Variants in GPC5 observed in about 807,000 individuals in gnomAD.
GPC5 encodes the protein glypican 5.
A neutral mutation model predicts 53.9 loss-of-function variants in GPC5; 47 were observed. That is an observed-to-expected ratio of 0.87 (90% CI 0.69 to 1.11). The LOEUF (loss-of-function observed/expected upper bound fraction) is 1.11, where lower values mean the gene tolerates loss of function less well. GPC5 is among the 50% of genes most tolerant of loss of function. The pLI, the probability that GPC5 is intolerant of heterozygous loss-of-function variation, is 0.00. For missense variants in GPC5, 748 were observed against 713.1 expected (o/e 1.05, Z -0.56); for synonymous variants, 286 against 263.3 (o/e 1.09, Z -0.84).
intron 7 of GPC5, among the ~76,000 whole-genome samples, chr13:92,158,548 CA>C (rs2041962388): frequency 6.6e-6 from 1 of 151,930 alleles, no homozygotes; most frequent in African/African-American, 2.4e-5. Flanking sequence ...CACCATCCTC[CA>C]AGACAGAAAC....
intron 7 of GPC5, among the ~76,000 whole-genome samples, chr13:92,799,230 T>C (rs1159841762): frequency 6.6e-6 from 1 of 151,770 alleles, no homozygotes; most frequent in Non-Finnish European, 1.5e-5. Flanking sequence ...ATGCCTGTTA[T>C]CCAGAAAACA....
At chr13:92,429,521 A>G (rs1876993129) in intron 7 of GPC5, among the ~76,000 whole-genome samples, 1 of 151,828 alleles carries the variant, frequency 6.6e-6, no homozygotes, top group Non-Finnish European at 1.5e-5. Flanking sequence ...ATCACAAAAG[A>G]TTTTTTATTT....
intron 7 of GPC5, among the ~76,000 whole-genome samples, chr13:92,371,330 C>T (rs2043648456): frequency 6.6e-6 from 1 of 152,080 alleles, no homozygotes; most frequent in African/African-American, 2.4e-5. Flanking sequence ...GTGTATGATA[C>T]ATTACATGGC....
chr13:91,861,009 C>A (rs185567483), intron 5 of GPC5, among the ~76,000 whole-genome samples: 1 of 152,044 alleles, frequency 6.6e-6, no homozygotes. Flanking sequence ...TGATTTACAA[C>A]TATTTGGGGG....
intron 1 of GPC5, among the ~76,000 whole-genome samples, chr13:91,417,061 A>G (rs901476405): frequency 6.6e-6 from 1 of 152,134 alleles, no homozygotes; most frequent in Non-Finnish European, 1.5e-5. Flanking sequence ...AGTGGGGTGG[A>G]TGGAGCAGAG....
At position 92,529,121 on chromosome 13, in the gene GPC5, A is replaced by G. The variant is rs552794884; in HGVS notation, c.1562-337161A>G. Among the ~76,000 whole-genome samples the G allele has an allele frequency of 1.8e-4, 27 of 152,300 alleles. No individual in the cohort carries two copies. The South Asian group carries it at 5.4e-3, about 30-fold the overall frequency. On this transcript the variant is annotated intron_variant, in intron 7 of 7. Coordinates refer to ENST00000377067, the MANE Select transcript of GPC5 (RefSeq NM_004466.6). ...TTTTAGAATACTTCATAAAAAAACA[A>G]GAGTTCAAAATATTGTGTTGTTAAT...
chr13:91,774,400 G>A (rs1369971369), intron 5 of GPC5, among the ~76,000 whole-genome samples: 1 of 152,114 alleles, frequency 6.6e-6, no homozygotes, highest in African/African-American at 2.4e-5. Context: ...TGCCTACTGT[G>A]TGTGAGGCTC....
chr13:92,816,808 A>G (rs1028594427), intron 7 of GPC5, among the ~76,000 whole-genome samples: 1 of 151,972 alleles, frequency 6.6e-6, no homozygotes, highest in African/African-American at 2.4e-5. Flanking sequence ...AATTACACAT[A>G]GTCTGCCCTG....
chr13:92,710,013 T>G (rs1888080796), intron 7 of GPC5, among the ~76,000 whole-genome samples: 1 of 152,170 alleles, frequency 6.6e-6, no homozygotes, highest in Admixed American at 6.6e-5. Context: ...TAGGTCTTTC[T>G]GGTAAATTCT....
chr13:92,227,744 T>A (rs939244318), intron 7 of GPC5, among the ~76,000 whole-genome samples: 10 of 152,130 alleles, frequency 6.6e-5, no homozygotes, highest in African/African-American at 2.4e-4. Flanking sequence ...TATAACTTAA[T>A]TTTTTTCTTA....
At chr13:92,787,516 T>A (rs1473298170) in intron 7 of GPC5, among the ~76,000 whole-genome samples, 1 of 151,242 alleles carries the variant, frequency 6.6e-6, no homozygotes, top group Non-Finnish European at 1.5e-5. Context: ...GTAATAAACT[T>A]ATAATTAAAG....
chr13:92,329,799 G>A (rs1330201449), intron 7 of GPC5, among the ~76,000 whole-genome samples: 1 of 152,106 alleles, frequency 6.6e-6, no homozygotes, highest in Admixed American at 6.6e-5. Context: ...AACATCACAG[G>A]ACAGCCACGG....
chr13:92,002,068 A>G (rs915713277), intron 6 of GPC5, among the ~76,000 whole-genome samples: 3 of 151,854 alleles, frequency 2.0e-5, no homozygotes, highest in African/African-American at 7.3e-5. Flanking sequence ...AGAGGCGGTA[A>G]TTTTTCTTTT....
intron 7 of GPC5, among the ~76,000 whole-genome samples, chr13:92,277,658 G>C (rs528734429): frequency 6.6e-6 from 1 of 151,806 alleles, no homozygotes; most frequent in East Asian, 1.9e-4. Context: ...GTTGCTGTTG[G>C]CCCCTGTAAA....
At chr13:92,641,282 T>G (rs1432204039) in intron 7 of GPC5, among the ~76,000 whole-genome samples, 2 of 152,122 alleles carry the variant, frequency 1.3e-5, no homozygotes, top group Non-Finnish European at 2.9e-5. Flanking sequence ...ACCACATCAC[T>G]GCTGCATTAT....
intron 2 of GPC5, among the ~76,000 whole-genome samples, chr13:91,542,857 T>TA (rs2030033973): frequency 7.1e-6 from 1 of 141,302 alleles, no homozygotes; most frequent in African/African-American, 2.7e-5. Flanking sequence ...CCAATTTTTT[T>TA]TTTTTTTTTT....
chr13:91,987,627 A>C (rs984028845), intron 6 of GPC5, among the ~76,000 whole-genome samples: 1 of 151,288 alleles, frequency 6.6e-6, no homozygotes, highest in Non-Finnish European at 1.5e-5. Context: ...ACTTCTCAGT[A>C]ATTGCTAAAT....
chr13:92,563,455 A>G (rs528204334), intron 7 of GPC5, among the ~76,000 whole-genome samples: 8 of 152,078 alleles, frequency 5.3e-5, no homozygotes, highest in African/African-American at 1.9e-4. Flanking sequence ...TTTAACTTGC[A>G]TGAAATATAA....
chr13:91,603,884 C>G (rs921887137), intron 2 of GPC5, among the ~76,000 whole-genome samples: 5 of 150,960 alleles, frequency 3.3e-5, no homozygotes, highest in African/African-American at 1.2e-4. Flanking sequence ...TTCCTTCTCT[C>G]TAATCCATTC....
Sources: allele counts gnomAD v4.1 joint callset (sites outside exome capture counted in the v4.1 genomes callset), GRCh38; gene constraint gnomAD v4.1.1; transcripts MANE v1.5; gene names NCBI Gene and HGNC (gene_info 2026-07-23, HGNC 2026-07-21).